The following ARHGAP20 variants were observed in gnomAD, a reference collection of about 807,000 sequenced individuals.
ARHGAP20 encodes the protein Rho GTPase activating protein 20.
A neutral mutation model predicts 73.7 loss-of-function variants in ARHGAP20; 34 were observed. The ratio of observed to expected loss-of-function variants is 0.46; its 90% CI spans 0.35 to 0.61. ARHGAP20 has a LOEUF of 0.61. ARHGAP20 is among the 20% of genes least tolerant of loss of function. ARHGAP20 has a pLI of 0.00. For missense variants in ARHGAP20, 1,314 were observed against 1,420.9 expected (o/e 0.92, Z 1.21); for synonymous variants, 523 against 518.2 (o/e 1.01, Z -0.13).
chr11:110,582,011 A>G (rs1292514717), intron 14 of ARHGAP20, among the ~76,000 whole-genome samples: 4 of 151,964 alleles, frequency 2.6e-5, no homozygotes, highest in African/African-American at 9.7e-5. Flanking sequence ...GTTCTATTAT[A>G]TATATTAGGG....
rs374394057 is a variant in ARHGAP20, at chr11:110,657,243, C to A, written c.189-26451G>T. Among the ~76,000 whole-genome samples the A allele has an allele frequency of 3.2e-4, 48 of 152,066 alleles. 3 individuals carry two copies. The South Asian group carries it at 8.1e-3, about 26-fold the overall frequency. The stretch of plus-strand genomic sequence containing the variant: ...TTAAGTTTTTGTTGTTAAGTCCATT[C>A]CAGTTCTAAATTTCTGATTCTGAGA... On this transcript the variant is annotated intron_variant, in intron 2 of 14. Transcript: ENST00000683387.
intron 2 of ARHGAP20, among the ~76,000 whole-genome samples, chr11:110,640,782 T>G (rs1385573240): frequency 2.0e-5 from 3 of 150,740 alleles, no homozygotes; most frequent in East Asian, 2.0e-4. Flanking sequence ...AGGGACAGCA[T>G]TAAGAGATAT....
At chr11:110,630,833 C>T (rs897980340) in intron 2 of ARHGAP20, 41 bp from the exon 3 acceptor site, 9 of 1,579,836 alleles carry the variant, frequency 5.7e-6, no homozygotes, top group Non-Finnish European at 7.7e-6. Flanking sequence ...AAACGATCAT[C>T]TTATAGTTGG....
chr11:110,583,572 T>A lies in ARHGAP20; in HGVS notation c.1581A>T (p.Glu527Asp). The A allele has an allele frequency of 6.2e-7, 1 of 1,607,570 alleles. No homozygotes were observed. The highest frequency in any genetic ancestry group is 8.5e-7 in the Non-Finnish European group (1 of 1,176,368). The part of the protein sequence containing the change: ...ILWPPASSSP[E>D]LENEFTKKVS... Reference sequence around the variant, plus strand: ...CCTTTTTTGTAAATTCGTTTTCTAGTTCTGGGCTGGAGGAAGCAGGAGGCC... The same window carrying A: ...CCTTTTTTGTAAATTCGTTTTCTAGATCTGGGCTGGAGGAAGCAGGAGGCC... The change falls in exon 13 of 15, where the codon GAA becomes GAT. Residue 527 changes from glutamate (E) to aspartate (D), a missense_variant. By Grantham distance (45) the Glu-to-Asp change is conservative. Around this residue, in one of 3 missense-constraint regions of ARHGAP20, gnomAD observed 230 missense variants for 317.6 expected, o/e 0.72. Transcript: ENST00000683387.
At chr11:110,634,203 C>T (rs1004579218) in intron 2 of ARHGAP20, among the ~76,000 whole-genome samples, 4 of 151,896 alleles carry the variant, frequency 2.6e-5, no homozygotes, top group South Asian at 2.1e-4. Flanking sequence ...AGGAGAATGG[C>T]GTAGGCAGAA....
chr11:110,596,427 T>A (rs543843866), intron 9 of ARHGAP20, among the ~76,000 whole-genome samples: 2,822 of 150,562 alleles, frequency 0.019, 95 homozygotes, highest in African/African-American at 0.066. Flanking sequence ...GAATCTACAG[T>A]GAACTCAAAC....
intron 9 of ARHGAP20, among the ~76,000 whole-genome samples, chr11:110,601,210 C>G (rs1368369947): frequency 6.6e-6 from 1 of 152,146 alleles, no homozygotes; most frequent in Non-Finnish European, 1.5e-5. Context: ...TTTAAATATA[C>G]AGGCCACAAA....
intron 2 of ARHGAP20, among the ~76,000 whole-genome samples, chr11:110,637,942 A>G (rs1360069439): frequency 6.6e-6 from 1 of 152,096 alleles, no homozygotes; most frequent in Non-Finnish European, 1.5e-5. Flanking sequence ...GGAGTTATAA[A>G]GGCTTGAGAA....
chr11:110,693,009 C>T (rs528889516), intron 1 of ARHGAP20, among the ~76,000 whole-genome samples: 3 of 151,884 alleles, frequency 2.0e-5, no homozygotes, highest in African/African-American at 7.3e-5. Flanking sequence ...AGAAAATCCT[C>T]CCAAGAATGA....
intron 2 of ARHGAP20, among the ~76,000 whole-genome samples, chr11:110,688,999 GTTT>G (rs745669809): frequency 7.3e-6 from 1 of 137,600 alleles, no homozygotes. Context: ...CTTTCATATA[GTTT>G]TTTTTTTTTT....
At chr11:110,637,757 A>G (rs1281516125) in intron 2 of ARHGAP20, among the ~76,000 whole-genome samples, 1 of 152,098 alleles carries the variant, frequency 6.6e-6, no homozygotes, top group Non-Finnish European at 1.5e-5. Context: ...AGGAGCACAA[A>G]AAAGCAAAAA....
chr11:110,698,905 A>C (rs1950390315), intron 1 of ARHGAP20, among the ~76,000 whole-genome samples: 1 of 151,018 alleles, frequency 6.6e-6, no homozygotes. Context: ...TTTTTGTCTC[A>C]ATTTCATTTA....
chr11:110,651,368 T>A (rs1488023963), intron 2 of ARHGAP20, among the ~76,000 whole-genome samples: 13 of 151,618 alleles, frequency 8.6e-5, no homozygotes, highest in Admixed American at 8.6e-4. Flanking sequence ...AAGAAATAAC[T>A]AAGATCAGAG....
At chr11:110,679,039 G>A (rs1014873776) in intron 2 of ARHGAP20, among the ~76,000 whole-genome samples, 1 of 152,102 alleles carries the variant, frequency 6.6e-6, no homozygotes, top group Non-Finnish European at 1.5e-5. Flanking sequence ...GTGGGTCTTA[G>A]GTCTCTTGAG....
intron 2 of ARHGAP20, among the ~76,000 whole-genome samples, chr11:110,665,439 A>C: frequency 6.6e-6 from 1 of 152,128 alleles, no homozygotes; most frequent in East Asian, 1.9e-4. Context: ...ATAAAACAAA[A>C]ATTTTCAGAC....
chr11:110,592,023 G>A lies in ARHGAP20; in HGVS notation c.1097C>T (p.Ser366Phe). The change falls in exon 10 of 15, where the codon TCT becomes TTT. Residue 366 changes from serine to phenylalanine, a missense_variant. By Grantham distance (155) the Ser-to-Phe change is radical. Coordinates refer to ENST00000683387, the MANE Select transcript of ARHGAP20 (RefSeq NM_001384657.1). ...GTCATTCTCACAAATATTTGGCAGA[G>A]AAATTCCAAAGAGCTGTCCTGGCAT... ...SPMPGQLFGI[S>F]LPNICENDNL... 2 of 1,614,132 alleles carry A rather than the reference G, an allele frequency of 1.2e-6. No homozygotes were observed. The highest frequency in any genetic ancestry group is 1.7e-6 in the Non-Finnish European group (2 of 1,180,014).
At chr11:110,590,177 A>T (rs1947788908) in intron 11 of ARHGAP20, among the ~76,000 whole-genome samples, 1 of 151,660 alleles carries the variant, frequency 6.6e-6, no homozygotes. Context: ...TGGAATTTTC[A>T]GTGATCTCAG....
In ARHGAP20 at chr11:110,624,100, C is replaced by T. The variant is rs920769923; in HGVS notation, c.503+62G>A. 4 of 1,545,194 alleles carry T rather than the reference C, an allele frequency of 2.6e-6. No homozygotes were observed. The African/African-American group carries it at 5.6e-5, about 22-fold the overall frequency. ...AACATTTGATTAATTTTTAAAATTTCAATCCTAGAAATTATCATAGTAGCT... is the reference window on the plus strand; with the variant it reads ...AACATTTGATTAATTTTTAAAATTTTAATCCTAGAAATTATCATAGTAGCT... On this transcript the variant is annotated intron_variant, in intron 4 of 14. Transcript: ENST00000683387.
At chr11:110,700,441 C>T (rs1032476105) in intron 1 of ARHGAP20, among the ~76,000 whole-genome samples, 10 of 151,940 alleles carry the variant, frequency 6.6e-5, no homozygotes, top group Non-Finnish European at 1.2e-4. Flanking sequence ...TGTGCAATTT[C>T]GTGAGCATTA....
Sources: allele counts gnomAD v4.1 joint callset (sites outside exome capture counted in the v4.1 genomes callset), GRCh38; gene constraint gnomAD v4.1.1; regional missense constraint gnomAD v4.1.1; transcripts MANE v1.5; gene names NCBI Gene and HGNC (gene_info 2026-07-23, HGNC 2026-07-21).